The following CADPS2 variants were observed in gnomAD, a reference collection of about 807,000 sequenced individuals.
CADPS2 encodes calcium dependent secretion activator 2.
A neutral mutation model predicts 172.5 loss-of-function variants in CADPS2; 93 were observed. That is an observed-to-expected ratio of 0.54 (90% CI 0.46 to 0.64). CADPS2 has a LOEUF of 0.64. Ranked by LOEUF, CADPS2 falls within the 30% of genes least tolerant of loss-of-function variation. CADPS2 has a pLI of 0.00. For synonymous variants in CADPS2, 546 were observed against 555.2 expected (o/e 0.98, Z 0.23); for missense variants, 1,420 against 1,565.9 (o/e 0.91, Z 1.57).
At chr7:122,516,018 T>C (rs901441550) in intron 8 of CADPS2, among the ~76,000 whole-genome samples, 1 of 152,046 alleles carries the variant, frequency 6.6e-6, no homozygotes, top group Non-Finnish European at 1.5e-5. Flanking sequence ...GATTAAAATA[T>C]ATGGTTTCTT....
At chr7:122,778,003 A>G (rs2093938027) in intron 1 of CADPS2, among the ~76,000 whole-genome samples, 1 of 152,104 alleles carries the variant, frequency 6.6e-6, no homozygotes, top group African/African-American at 2.4e-5. Context: ...AAGACAGGAA[A>G]ATGTGGGAAA....
At chr7:122,383,257 C>T (rs1407472397) in intron 24 of CADPS2, among the ~76,000 whole-genome samples, 1 of 151,906 alleles carries the variant, frequency 6.6e-6, no homozygotes, top group Non-Finnish European at 1.5e-5. Flanking sequence ...TGCATGTTCT[C>T]ACTTATAAGT....
chr7:122,490,825 T>C (rs1399456411), intron 10 of CADPS2, among the ~76,000 whole-genome samples: 1 of 152,162 alleles, frequency 6.6e-6, no homozygotes, highest in Non-Finnish European at 1.5e-5. Flanking sequence ...CTACATTTCT[T>C]GATCTTAGAT....
rs550908369 is a variant in CADPS2 at position 122,715,669 on chromosome 7, A to T, written c.453+21286T>A. ...CATCTTCTATGGTCAAAATTCTCAC[A>T]GACACAAGGCTTAAAACCTCTCAAC... On this transcript the variant is annotated intron_variant, in intron 2 of 29. Transcript: ENST00000449022. Among the ~76,000 whole-genome samples, 22 of 152,102 alleles carry T rather than the reference A, an allele frequency of 1.4e-4. No homozygotes were observed. In the South Asian group the frequency reaches 4.6e-3, roughly 32 times the overall value.
At chr7:122,820,556 G>GTTTTTT (rs551121404) in intron 1 of CADPS2, among the ~76,000 whole-genome samples, 60 of 86,518 alleles carry the variant, frequency 6.9e-4, no homozygotes, top group East Asian at 1.2e-3. Flanking sequence ...TTTGTTTTTT[G>GTTTTTT]TTTTTTTTTT....
intron 19 of CADPS2, chr7:122,413,093 C>G (rs2047498430): frequency 6.6e-6 from 1 of 152,250 alleles, no homozygotes; most frequent in African/African-American, 2.4e-5. Context: ...GTGAGTTGCT[C>G]AACTTTCTTG....
chr7:122,432,043 T>C (rs1478507461), intron 17 of CADPS2, among the ~76,000 whole-genome samples: 1 of 152,180 alleles, frequency 6.6e-6, no homozygotes, highest in Non-Finnish European at 1.5e-5. Context: ...ATTATCATTA[T>C]TTTTGGAAAG....
At chr7:122,439,367 A>G (rs2051058026) in intron 16 of CADPS2, 1 of 152,188 alleles carries the variant, frequency 6.6e-6, no homozygotes, top group African/African-American at 2.4e-5. Flanking sequence ...TTTCATTCAG[A>G]TTACAAAACA....
At chr7:122,513,222 A>T in intron 9 of CADPS2, 27 bp downstream of exon 9, 1 of 1,490,244 alleles carries the variant, frequency 6.7e-7, no homozygotes, top group Non-Finnish European at 9.2e-7. Flanking sequence ...TCTTAGAGTG[A>T]TTATTTAACA....
At chr7:122,830,029 A>AG (rs1451848742) in intron 1 of CADPS2, among the ~76,000 whole-genome samples, 1 of 151,896 alleles carries the variant, frequency 6.6e-6, no homozygotes, top group Non-Finnish European at 1.5e-5. Flanking sequence ...ATTAAAAAAA[A>AG]AAACAGTACA....
At chr7:122,542,290 A>G (rs567076671) in intron 8 of CADPS2, among the ~76,000 whole-genome samples, 2 of 152,088 alleles carry the variant, frequency 1.3e-5, no homozygotes, top group South Asian at 4.1e-4. Flanking sequence ...ATATTACACT[A>G]TCCTTTAGTA....
At chr7:122,566,343 G>C (rs1032421721) in intron 7 of CADPS2, among the ~76,000 whole-genome samples, 4 of 152,080 alleles carry the variant, frequency 2.6e-5, no homozygotes, top group Admixed American at 6.6e-5. Flanking sequence ...AGCCATTTCA[G>C]AAAACAGTAT....
chr7:122,684,206 G>A (rs897329005), intron 2 of CADPS2, among the ~76,000 whole-genome samples: 1 of 152,038 alleles, frequency 6.6e-6, no homozygotes. Context: ...TCAGCCTGTG[G>A]TTAAATTGAT....
At chr7:122,713,422 G>C (rs1414694273) in intron 2 of CADPS2, among the ~76,000 whole-genome samples, 1 of 151,980 alleles carries the variant, frequency 6.6e-6, no homozygotes, top group African/African-American at 2.4e-5. Context: ...CTCCCATGAG[G>C]ATTAAAAGAA....
chr7:122,819,149 AG>A (rs1315914938), intron 1 of CADPS2, among the ~76,000 whole-genome samples: 1 of 152,232 alleles, frequency 6.6e-6, no homozygotes, highest in East Asian at 1.9e-4. Context: ...GAACTGCAGC[AG>A]CCAGGCATTC....
At position 122,652,293 on chromosome 7, in the gene CADPS2, AC is replaced by A. The variant is rs937739401; in HGVS notation, c.786+10943del. ...CTGCATGATTATAGATAATGGGTTAACTAATTAATTTGAACATACTGCATTA... is the reference window on the plus strand; with the variant it reads ...CTGCATGATTATAGATAATGGGTTAATAATTAATTTGAACATACTGCATTA... On this transcript the variant is annotated intron_variant, in intron 3 of 29. Transcript: ENST00000449022. 1.2e-4 allele frequency among the ~76,000 whole-genome samples: 18 copies of A among 152,248 alleles called. No individual in the cohort carries two copies. In the South Asian group the frequency reaches 3.7e-3, roughly 32 times the overall value.
intron 1 of CADPS2, among the ~76,000 whole-genome samples, chr7:122,849,555 A>G (rs1183993471): frequency 1.3e-5 from 2 of 152,074 alleles, no homozygotes; most frequent in Non-Finnish European, 2.9e-5. Flanking sequence ...TCACCTATTC[A>G]CACTTTCCAA....
intron 2 of CADPS2, among the ~76,000 whole-genome samples, chr7:122,705,760 T>A (rs368434379): frequency 0.42 from 4,271 of 10,128 alleles, 1,568 homozygotes; most frequent in Middle Eastern, 1. Flanking sequence ...ATATAATATA[T>A]AATATATGAT....
chr7:122,529,997 T>C (rs1287750025), intron 8 of CADPS2, among the ~76,000 whole-genome samples: 2 of 152,128 alleles, frequency 1.3e-5, no homozygotes, highest in African/African-American at 4.8e-5. Flanking sequence ...TACTTTAGAC[T>C]CTATAAGACA....
Sources: allele counts gnomAD v4.1 joint callset (sites outside exome capture counted in the v4.1 genomes callset), GRCh38; gene constraint gnomAD v4.1.1; transcripts MANE v1.5; gene names NCBI Gene and HGNC (gene_info 2026-07-23, HGNC 2026-07-21).